Variants in PDE4B observed in about 807,000 individuals in gnomAD.
The protein encoded by PDE4B is phosphodiesterase 4B, also known as 3',5'-cyclic-AMP phosphodiesterase 4B.
Under a neutral mutation model 82.2 loss-of-function variants are expected in PDE4B, and 20 were observed. The observed-to-expected ratio is 0.24, with a 90% CI of 0.17 to 0.35. PDE4B has a LOEUF of 0.35. Among genes scored for constraint, PDE4B ranks in the 10% least tolerant of loss-of-function variants. PDE4B has a pLI of 1.00. For synonymous variants in PDE4B, 320 were observed against 318.9 expected, an observed-to-expected ratio of 1.00 and a Z score of -0.04; for missense variants, 655 against 907.2, an observed-to-expected ratio of 0.72 and a Z score of 3.57.
At chr1:66,052,394 A>G (rs1192378603) in intron 3 of PDE4B, among the ~76,000 whole-genome samples, 1 of 152,140 alleles carries the variant, frequency 6.6e-6, no homozygotes, top group African/African-American at 2.4e-5. Flanking sequence ...AAATATTTAT[A>G]ATGATAGGGT....
chr1:66,225,538 A>G (rs540176181), intron 3 of PDE4B, among the ~76,000 whole-genome samples: 3 of 152,334 alleles, frequency 2.0e-5, no homozygotes, highest in Non-Finnish European at 4.4e-5. Context: ...CTCCCTAGGC[A>G]CAGGTATACC....
chr1:65,934,736 G>T (rs1007992467), intron 3 of PDE4B, among the ~76,000 whole-genome samples: 2 of 152,044 alleles, frequency 1.3e-5, no homozygotes, highest in South Asian at 4.1e-4. Flanking sequence ...ACTTATATCA[G>T]ACAAAATATA....
intron 1 of PDE4B, among the ~76,000 whole-genome samples, chr1:65,850,110 C>CTTTTTTT (rs57662381): frequency 3.1e-5 from 3 of 97,476 alleles, no homozygotes; most frequent in African/African-American, 4.0e-5. Context: ...TTGCCCTGCA[C>CTTTTTTT]TTTTTTTTTT....
intron 7 of PDE4B, among the ~76,000 whole-genome samples, chr1:66,330,549 G>A (rs916200766): frequency 1.3e-5 from 2 of 152,138 alleles, no homozygotes; most frequent in South Asian, 2.1e-4. Flanking sequence ...TCTCCCCACC[G>A]TCCTGGTGAA....
chr1:65,919,762 T>A (rs1023037710), intron 3 of PDE4B, among the ~76,000 whole-genome samples: 5 of 152,194 alleles, frequency 3.3e-5, no homozygotes, highest in African/African-American at 1.2e-4. Flanking sequence ...CTCTGCCACA[T>A]GCTGAGCTCT....
intron 9 of PDE4B, among the ~76,000 whole-genome samples, chr1:66,361,158 C>G (rs1016750774): frequency 6.6e-6 from 1 of 152,068 alleles, no homozygotes; most frequent in Non-Finnish European, 1.5e-5. Flanking sequence ...ATGAGCAGAT[C>G]ATGAAGCCTG....
intron 3 of PDE4B, among the ~76,000 whole-genome samples, chr1:65,920,280 T>G (rs1225775248): frequency 6.6e-6 from 1 of 152,232 alleles, no homozygotes; most frequent in Non-Finnish European, 1.5e-5. Flanking sequence ...CCCCTACTAC[T>G]CTCGCAGACT....
chr1:66,299,800 G>T (rs1657758127), intron 7 of PDE4B, among the ~76,000 whole-genome samples: 1 of 152,038 alleles, frequency 6.6e-6, no homozygotes, highest in African/African-American at 2.4e-5. Context: ...CTGTGTGTTT[G>T]CCTGTTTTGT....
intron 3 of PDE4B, among the ~76,000 whole-genome samples, chr1:66,195,350 G>T (rs1192636648): frequency 6.6e-6 from 1 of 152,106 alleles, no homozygotes; most frequent in Non-Finnish European, 1.5e-5. Flanking sequence ...GCACCCAAAG[G>T]TTTAAATAAC....
chr1:66,344,996 C>A (rs1349672707), intron 8 of PDE4B, among the ~76,000 whole-genome samples: 2 of 152,116 alleles, frequency 1.3e-5, no homozygotes, highest in African/African-American at 4.8e-5. Context: ...TTGTTAGATC[C>A]AATGTAGCAT....
chr1:65,830,945 C>A (rs1646075208), intron 1 of PDE4B, among the ~76,000 whole-genome samples: 1 of 151,882 alleles, frequency 6.6e-6, no homozygotes, highest in Non-Finnish European at 1.5e-5. Flanking sequence ...TTTCTGTCAG[C>A]CTAAATTTAC....
chr1:66,128,817 G>A (rs1645875455), intron 3 of PDE4B, among the ~76,000 whole-genome samples: 1 of 152,168 alleles, frequency 6.6e-6, no homozygotes, highest in Non-Finnish European at 1.5e-5. Context: ...GTGAAAATGA[G>A]AGCAAAGTGA....
chr1:66,087,945 C>A, intron 3 of PDE4B, among the ~76,000 whole-genome samples: 1 of 151,302 alleles, frequency 6.6e-6, no homozygotes, highest in Non-Finnish European at 1.5e-5. Context: ...GTGCAGCACA[C>A]CAGCATGGCA....
chr1:66,176,092 T>C (rs998498144), intron 3 of PDE4B, among the ~76,000 whole-genome samples: 1 of 152,180 alleles, frequency 6.6e-6, no homozygotes, highest in Non-Finnish European at 1.5e-5. Flanking sequence ...TGAGAGCTGA[T>C]TTCAGGAAGG....
At chr1:66,313,385 T>C (rs1658802086) in intron 7 of PDE4B, among the ~76,000 whole-genome samples, 1 of 152,214 alleles carries the variant, frequency 6.6e-6, no homozygotes, top group Non-Finnish European at 1.5e-5. Flanking sequence ...TTACCCTTCT[T>C]GTTGCCCCTG....
intron 3 of PDE4B, among the ~76,000 whole-genome samples, chr1:65,964,661 C>T (rs944796380): frequency 2.6e-5 from 4 of 152,154 alleles, no homozygotes; most frequent in Non-Finnish European, 5.9e-5. Flanking sequence ...AACAATTCTA[C>T]ATCTCCAGTA....
intron 3 of PDE4B, among the ~76,000 whole-genome samples, chr1:66,106,932 A>C (rs1442546072): frequency 7.1e-6 from 1 of 140,800 alleles, no homozygotes; most frequent in Admixed American, 7.4e-5. Flanking sequence ...TTGTGTCTCT[A>C]TTTCCTTCAG....
At chr1:66,060,916 G>A (rs1272206698) in intron 3 of PDE4B, among the ~76,000 whole-genome samples, 1 of 151,766 alleles carries the variant, frequency 6.6e-6, no homozygotes, top group Admixed American at 6.6e-5. Flanking sequence ...TATCTTTCTT[G>A]TAAAGAGAGT....
chr1:65,990,440 A>G (rs1029928442), intron 3 of PDE4B, among the ~76,000 whole-genome samples: 1 of 152,176 alleles, frequency 6.6e-6, no homozygotes, highest in Non-Finnish European at 1.5e-5. Context: ...TTTTGCCAAT[A>G]CATCACTATG....
Sources: gnomAD v4.1 joint callset for allele counts (sites outside exome capture counted in the v4.1 genomes callset) on GRCh38, gnomAD v4.1.1 for gene constraint, MANE v1.5 for transcripts, NCBI Gene and HGNC (gene_info 2026-07-23, HGNC 2026-07-21) for gene names.